Variants in RARB observed in about 807,000 individuals in gnomAD.
RARB encodes the protein HBV-activated protein.
Under a neutral mutation model 51.9 loss-of-function variants are expected in RARB, and 17 were observed. That is an observed-to-expected ratio of 0.33 (90% CI 0.22 to 0.49). The LOEUF (loss-of-function observed/expected upper bound fraction) is 0.49, where lower values mean the gene tolerates loss of function less well. Ranked by LOEUF, RARB falls within the 20% of genes least tolerant of loss-of-function variation. The pLI is 0.99. For missense variants in RARB, 369 were observed against 550.8 expected, an observed-to-expected ratio of 0.67 and a Z score of 3.30; for synonymous variants, 215 against 195.4, an observed-to-expected ratio of 1.10 and a Z score of -0.84.
chr3:24,986,529 GT>G (rs1415000194), intron 2 of RARB, among the ~76,000 whole-genome samples: 57 of 152,234 alleles, frequency 3.7e-4, no homozygotes, highest in African/African-American at 1.3e-3. Context: ...GGGTTTTGTG[GT>G]TTTAGTTAAA....
chr3:25,596,811 C>G lies in RARB; in HGVS notation c.*195C>G. ...ACTTACCTAGAAATACAAACTTTTCCAATTTTAAAAAATCAGCCATTTCAT... is the reference window on the plus strand; with the variant it reads ...ACTTACCTAGAAATACAAACTTTTCGAATTTTAAAAAATCAGCCATTTCAT... On this transcript the variant is annotated 3_prime_UTR_variant, in exon 8 of 8. Coordinates refer to ENST00000330688, the MANE Select transcript of RARB (RefSeq NM_000965.5). The G allele has an allele frequency of 2.3e-6, 1 of 428,182 alleles. No individual in the cohort carries two copies. The highest frequency in any genetic ancestry group is 4.0e-6 in the Non-Finnish European group (1 of 251,086). The allele number at this position is 428,182 out of a possible 1,614,324, so 26.5% of individuals were successfully genotyped here.
chr3:25,504,351 G>A (rs543782038), intron 3 of RARB, among the ~76,000 whole-genome samples: 26 of 152,288 alleles, frequency 1.7e-4, no homozygotes, highest in African/African-American at 4.8e-4. Context: ...ATTAGATCCC[G>A]ATTGTTCCAT....
chr3:24,830,751 G>C (rs1381665866), intron 1 of RARB, among the ~76,000 whole-genome samples: 1 of 152,020 alleles, frequency 6.6e-6, no homozygotes, highest in Admixed American at 6.5e-5. Context: ...TGAGAGAAGA[G>C]GAAAGAGGTA....
chr3:25,574,735 A>G (rs574504814), intron 4 of RARB, among the ~76,000 whole-genome samples: 19 of 152,310 alleles, frequency 1.2e-4, no homozygotes, highest in African/African-American at 4.3e-4. Flanking sequence ...ATTAACCACG[A>G]AAGACTTTCC....
chr3:25,200,653 T>C (rs1298780843), intron 5 of RARB, among the ~76,000 whole-genome samples: 1 of 152,186 alleles, frequency 6.6e-6, no homozygotes, highest in Non-Finnish European at 1.5e-5. Flanking sequence ...TTCAGCTTTC[T>C]ACATATGGCT....
At chr3:24,883,372 G>GTGTGTT (rs1322204971) in intron 2 of RARB, among the ~76,000 whole-genome samples, 1 of 131,220 alleles carries the variant, frequency 7.6e-6, no homozygotes, top group East Asian at 4.4e-4. Context: ...GTGTGTGTGT[G>GTGTGTT]TGTGTGTGTG....
chr3:25,354,466 C>T (rs182598287), intron 5 of RARB, among the ~76,000 whole-genome samples: 3 of 152,056 alleles, frequency 2.0e-5, no homozygotes, highest in Admixed American at 6.6e-5. Context: ...CAGAAGTGTA[C>T]GCTACTCATT....
intron 5 of RARB, among the ~76,000 whole-genome samples, chr3:25,341,183 A>G (rs543376385): frequency 5.3e-5 from 8 of 152,240 alleles, no homozygotes; most frequent in African/African-American, 1.9e-4. Flanking sequence ...TCATATCTAA[A>G]CTGTGGCATC....
chr3:25,325,290 A>T (rs1704681224), intron 5 of RARB, among the ~76,000 whole-genome samples: 1 of 152,078 alleles, frequency 6.6e-6, no homozygotes, highest in Admixed American at 6.6e-5. Flanking sequence ...ATGAGCAGTG[A>T]CGACAACCAG....
chr3:25,031,463 C>A (rs758717627), intron 2 of RARB, among the ~76,000 whole-genome samples: 1 of 152,166 alleles, frequency 6.6e-6, no homozygotes, highest in Non-Finnish European at 1.5e-5. Context: ...AGGCCTCCCC[C>A]TTAGAATGTG....
At chr3:25,150,669 A>G (rs1011586419) in intron 4 of RARB, among the ~76,000 whole-genome samples, 7 of 152,196 alleles carry the variant, frequency 4.6e-5, no homozygotes, top group African/African-American at 1.7e-4. Flanking sequence ...ATATTGGTAC[A>G]CTGGTTGTGT....
In RARB at chr3:25,396,387, A is replaced by G. The variant is rs149192712; in HGVS notation, c.179-64806A>G. 2.8e-3 allele frequency among the ~76,000 whole-genome samples: 431 copies of G among 152,306 alleles called. 4 individuals are homozygous for G. The highest frequency in any genetic ancestry group is 8.9e-3 in the African/African-American group (370 of 41,574). On this transcript the variant is annotated intron_variant, in intron 5 of 11. Coordinates refer to the RARB transcript ENST00000383772. ...TGTGGACAGACTCAGGTTAGCCAGG[A>G]TGTTACAGGCAGTGGAATCAACTGT...
intron 5 of RARB, chr3:25,259,142 T>A: frequency 1.1e-6 from 1 of 889,430 alleles, no homozygotes; most frequent in Non-Finnish European, 1.3e-6. Context: ...GAAACACTAT[T>A]TAATAATATA....
rs543714337 is a variant in RARB, at chr3:25,041,597, T to A, written c.-379-18528T>A. On this transcript the variant is annotated intron_variant, in intron 2 of 11. Transcript: ENST00000383772. ...AATACATGGATCAAAATTGATGAGA[T>A]AACACATAATTCTCCAGCTAAGAAT... Among the ~76,000 whole-genome samples the A allele has an allele frequency of 6.6e-5, 10 of 151,900 alleles. No homozygotes were observed. The South Asian group carries it at 2.1e-3, about 32-fold the overall frequency.
intron 2 of RARB, among the ~76,000 whole-genome samples, chr3:25,045,663 C>A (rs559884803): frequency 6.6e-6 from 1 of 152,146 alleles, no homozygotes; most frequent in Admixed American, 6.5e-5. Flanking sequence ...CCTCATGAAC[C>A]TTTTAAAAAA....
chr3:25,085,670 G>T (rs986951458), intron 3 of RARB, among the ~76,000 whole-genome samples: 1 of 152,032 alleles, frequency 6.6e-6, no homozygotes, highest in Non-Finnish European at 1.5e-5. Context: ...GTCTTGTTCA[G>T]TGCCTGCCCA....
At chr3:25,302,322 T>A (rs1320501695) in intron 5 of RARB, among the ~76,000 whole-genome samples, 1 of 152,222 alleles carries the variant, frequency 6.6e-6, no homozygotes, top group African/African-American at 2.4e-5. Flanking sequence ...ACCTAGAATG[T>A]GAAAGTTCTT....
At chr3:25,113,706 G>A in intron 3 of RARB, among the ~76,000 whole-genome samples, 1 of 152,134 alleles carries the variant, frequency 6.6e-6, no homozygotes, top group East Asian at 1.9e-4. Flanking sequence ...CTCCTGCTGG[G>A]ATATAGACAA....
chr3:25,036,497 T>C (rs971077164), intron 2 of RARB, among the ~76,000 whole-genome samples: 2 of 152,232 alleles, frequency 1.3e-5, no homozygotes, highest in Admixed American at 6.5e-5. Flanking sequence ...TCATTTTTTT[T>C]CAGCATTATT....
Sources: gnomAD v4.1 joint callset for allele counts (sites outside exome capture counted in the v4.1 genomes callset) on GRCh38, gnomAD v4.1.1 for gene constraint, MANE v1.5 for transcripts, NCBI Gene and HGNC (gene_info 2026-07-23, HGNC 2026-07-21) for gene names.